Variants in ATRNL1 observed in about 807,000 individuals in gnomAD.
ATRNL1 encodes attractin like 1, also known as attractin-like protein 1.
In ATRNL1, 95 loss-of-function variants were observed where a neutral mutation model predicts 182.7. The ratio of observed to expected loss-of-function variants is 0.52; its 90% CI spans 0.44 to 0.62. The LOEUF is 0.62. ATRNL1 is among the 20% of genes least tolerant of loss of function. The pLI is 0.00. For synonymous variants in ATRNL1, 576 were observed against 568.3 expected (o/e 1.01, Z -0.19); for missense variants, 1,471 against 1,679.5 (o/e 0.88, Z 2.17).
rs782160407 is a variant in ATRNL1 at position 115,121,803 on chromosome 10, C to T, written c.482C>T (p.Ala161Val). Residue 161 changes from alanine to valine, a missense_variant, in exon 3 of 29, where the codon GCT becomes GTT. This residue lies in a region of ATRNL1 where 1,031 missense variants were observed against 1,156.0 expected (regional missense o/e 0.89). Transcript: ENST00000355044. The stretch of plus-strand genomic sequence containing the variant: ...GATTCAATATATGCACCTTTAATAG[C>T]TGTACTTAGGTGAGTAATTATATTT... ...DGDSIYAPLI[A>V]VLSGLIVPEI... 12 of 1,472,010 alleles carry T rather than the reference C, an allele frequency of 8.2e-6. No homozygotes were observed. Among genetic ancestry groups the T allele is most frequent in the Non-Finnish European group, 1.1e-5 (12 of 1,073,194 alleles). 91.2% of individuals were successfully genotyped at this position (1,472,010 alleles called of 1,614,324 possible). A position where few individuals can be genotyped will look rare whatever the true frequency, so the allele number is the denominator to read the frequency against.
chr10:115,735,607 C>T (rs1412804975), intron 27 of ATRNL1, among the ~76,000 whole-genome samples: 1 of 152,136 alleles, frequency 6.6e-6, no homozygotes, highest in Non-Finnish European at 1.5e-5. Flanking sequence ...ACTACTCTTG[C>T]ACTTTGGGGC....
chr10:115,148,150 A>G (rs143949882), intron 5 of ATRNL1, among the ~76,000 whole-genome samples: 35 of 152,028 alleles, frequency 2.3e-4, no homozygotes, highest in Middle Eastern at 3.4e-3. Context: ...TAGTTTTCCT[A>G]TAGAGATTGT....
chr10:115,821,136 T>C (rs1292224539), intron 27 of ATRNL1, among the ~76,000 whole-genome samples: 3 of 152,178 alleles, frequency 2.0e-5, no homozygotes, highest in Non-Finnish European at 2.9e-5. Context: ...CAATTAAACC[T>C]CTTTCCTTTA....
intron 19 of ATRNL1, among the ~76,000 whole-genome samples, chr10:115,363,819 A>T (rs1592526585): frequency 6.9e-6 from 1 of 145,786 alleles, no homozygotes. Flanking sequence ...GTCAAAGATC[A>T]GATAGTTGTA....
intron 27 of ATRNL1, among the ~76,000 whole-genome samples, chr10:115,729,233 T>TG (rs1300234284): frequency 5.3e-5 from 8 of 152,168 alleles, no homozygotes; most frequent in Non-Finnish European, 1.2e-4. Context: ...TTCCAAATGT[T>TG]GGTTCTTTCT....
chr10:115,325,577 C>A (rs920284726), intron 18 of ATRNL1, among the ~76,000 whole-genome samples: 21 of 152,248 alleles, frequency 1.4e-4, no homozygotes, highest in African/African-American at 4.6e-4. Flanking sequence ...CATATATAGA[C>A]CATGTCAGGC....
At chr10:115,557,998 T>A (rs1592848217) in intron 26 of ATRNL1, among the ~76,000 whole-genome samples, 1 of 149,612 alleles carries the variant, frequency 6.7e-6, no homozygotes, top group Non-Finnish European at 1.5e-5. Flanking sequence ...TGAGCCGAGA[T>A]CCTGCCACTG....
At chr10:115,119,280 G>A (rs1844621748) in intron 1 of ATRNL1, among the ~76,000 whole-genome samples, 1 of 151,928 alleles carries the variant, frequency 6.6e-6, no homozygotes, top group African/African-American at 2.4e-5. Flanking sequence ...ATGTATTTAA[G>A]GCTCTATACT....
Position 115,127,624 on chromosome 10 carries a change from GA to G in ATRNL1, c.526del (p.Thr176LeufsTer24). 6.2e-7 allele frequency: 1 copy of G among 1,609,152 alleles called. No individual in the cohort carries two copies. The highest frequency in any genetic ancestry group is 8.5e-7 in the Non-Finnish European group (1 of 1,177,752). On this transcript the variant is annotated frameshift_variant, in exon 4 of 29. Coordinates refer to ENST00000355044, the MANE Select transcript of ATRNL1 (RefSeq NM_207303.4). LOFTEE classifies it high-confidence loss of function. The part of the protein sequence containing the change: ...GLIVPEIRGN[E>X]TVPEVVTTSG... ...GATAGTCCCTGAAATAAGGGGCAAT[GA>G]AACTGTGCCTGAAGTTGTTACTACA... is the stretch of plus-strand genomic sequence containing the variant.
At chr10:115,139,512 A>G (rs1434178716) in intron 5 of ATRNL1, among the ~76,000 whole-genome samples, 2 of 152,200 alleles carry the variant, frequency 1.3e-5, no homozygotes, top group Non-Finnish European at 2.9e-5. Flanking sequence ...AAGATTGTGC[A>G]GGTAAACTCC....
rs76451041 is a variant in ATRNL1, at chr10:115,546,990, A to T, written c.3717-2468A>T. 7.6e-3 allele frequency among the ~76,000 whole-genome samples: 1,163 copies of T among 152,254 alleles called. 11 individuals carry two copies. Among genetic ancestry groups the T allele is most frequent in the African/African-American group, 0.027 (1,113 of 41,554 alleles). Reference sequence around the variant, plus strand: ...GAATATTGGCCAGGTGTGGTGGCTCATGCCTATAATTTCAGCACTTTGGAA... The same window carrying T: ...GAATATTGGCCAGGTGTGGTGGCTCTTGCCTATAATTTCAGCACTTTGGAA... On this transcript the variant is annotated intron_variant, in intron 25 of 28. Transcript: ENST00000355044.
At chr10:115,689,818 T>A (rs1234560697) in intron 26 of ATRNL1, among the ~76,000 whole-genome samples, 3 of 152,198 alleles carry the variant, frequency 2.0e-5, no homozygotes, top group Non-Finnish European at 4.4e-5. Context: ...GGAAGGACCC[T>A]GCCTGTCACA....
intron 28 of ATRNL1, among the ~76,000 whole-genome samples, chr10:115,882,243 A>G (rs1446744004): frequency 2.6e-5 from 4 of 152,242 alleles, no homozygotes; most frequent in South Asian, 2.1e-4. Context: ...AAATAAGCAC[A>G]TGCATTAGAA....
intron 28 of ATRNL1, among the ~76,000 whole-genome samples, chr10:115,896,117 C>T (rs1403969347): frequency 5.3e-5 from 8 of 152,132 alleles, no homozygotes; most frequent in African/African-American, 1.2e-4. Context: ...TCTTCTAACA[C>T]GTTCAGCAGA....
intron 9 of ATRNL1, among the ~76,000 whole-genome samples, chr10:115,240,254 CTTT>C (rs782480774): frequency 2.2e-5 from 3 of 137,992 alleles, no homozygotes; most frequent in African/African-American, 2.6e-5. Context: ...TACTTTTTTC[CTTT>C]TTTTTTTTTT....
In ATRNL1 at chr10:115,371,596, G is replaced by C. The variant is rs574674269; in HGVS notation, c.3176-23063G>C. Among the ~76,000 whole-genome samples the C allele has an allele frequency of 2.9e-4, 44 of 152,248 alleles. 1 individual carries two copies. In the South Asian group the frequency reaches 8.7e-3, roughly 30 times the overall value. On this transcript the variant is annotated intron_variant, in intron 19 of 28. Transcript: ENST00000355044. Reference sequence around the variant, plus strand: ...TTGTTTTGGCCAATTTATCCAATTTGGAACAACTATATTTACCGAATGCCT... The same window carrying C: ...TTGTTTTGGCCAATTTATCCAATTTCGAACAACTATATTTACCGAATGCCT...
chr10:115,362,669 C>T (rs1856806312), intron 19 of ATRNL1, among the ~76,000 whole-genome samples: 1 of 152,034 alleles, frequency 6.6e-6, no homozygotes, highest in South Asian at 2.1e-4. Context: ...ATCCCTCCCA[C>T]CTCCTCCCAC....
intron 8 of ATRNL1, among the ~76,000 whole-genome samples, chr10:115,184,516 C>T (rs542856441): frequency 6.6e-6 from 1 of 151,466 alleles, no homozygotes; most frequent in East Asian, 1.9e-4. Flanking sequence ...AATATAGTTA[C>T]ACATGCTAAT....
intron 24 of ATRNL1, among the ~76,000 whole-genome samples, chr10:115,514,477 T>TAA (rs35556455): frequency 3.3e-5 from 5 of 151,232 alleles, no homozygotes; most frequent in African/African-American, 9.7e-5. Flanking sequence ...TGGGCAGATG[T>TAA]AAAAAAAATA....
Sources: gnomAD v4.1 joint callset for allele counts (sites outside exome capture counted in the v4.1 genomes callset) on GRCh38, gnomAD v4.1.1 for gene constraint, gnomAD v4.1.1 regional missense constraint, MANE v1.5 for transcripts, NCBI Gene and HGNC (gene_info 2026-07-23, HGNC 2026-07-21) for gene names.